LRRC7: variants seen among roughly 807,000 people sequenced by gnomAD.
LRRC7 encodes leucine-rich repeat-containing protein 7.
Under a neutral mutation model 175.7 loss-of-function variants are expected in LRRC7, and 23 were observed. That is an observed-to-expected ratio of 0.13 (90% CI 0.09 to 0.19). LRRC7 has a LOEUF of 0.19. Ranked by LOEUF, LRRC7 falls within the 10% of genes least tolerant of loss-of-function variation. The pLI is 1.00. For synonymous variants in LRRC7, 685 were observed against 680.9 expected (o/e 1.01, Z -0.09); for missense variants, 1,354 against 1,904.7 (o/e 0.71, Z 5.38).
At chr1:69,878,669 T>C (rs999710693) in intron 7 of LRRC7, among the ~76,000 whole-genome samples, 6 of 151,992 alleles carry the variant, frequency 3.9e-5, no homozygotes, top group African/African-American at 1.4e-4. Context: ...ATAAAGCGAA[T>C]TTTGGAGTTG....
chr1:69,711,092 T>C (rs547390318), intron 2 of LRRC7, among the ~76,000 whole-genome samples: 1 of 152,318 alleles, frequency 6.6e-6, no homozygotes, highest in Non-Finnish European at 1.5e-5. Flanking sequence ...TGAGCAGCTG[T>C]AAGATGTAAC....
At chr1:69,718,177 A>AAGAAAG (rs1366913143) in intron 2 of LRRC7, among the ~76,000 whole-genome samples, 5 of 146,844 alleles carry the variant, frequency 3.4e-5, no homozygotes, top group Non-Finnish European at 6.0e-5. Context: ...AGAAAGAAGA[A>AAGAAAG]AAGAAAAGAA....
chr1:70,101,769 GA>G (rs2102199382), intron 25 of LRRC7, among the ~76,000 whole-genome samples: 1 of 152,304 alleles, frequency 6.6e-6, no homozygotes, highest in South Asian at 2.1e-4. Flanking sequence ...AAATGAGGTG[GA>G]AATAGGAAAT....
intron 2 of LRRC7, among the ~76,000 whole-genome samples, chr1:69,718,132 A>AAGAG (rs1553146105): frequency 1.2e-3 from 68 of 54,768 alleles, no homozygotes; most frequent in African/African-American, 8.0e-3. Flanking sequence ...AAAGAAAAGA[A>AAGAG]AGAAAGAGAG....
At chr1:70,015,166 G>T (rs1204442977) in intron 13 of LRRC7, among the ~76,000 whole-genome samples, 1 of 151,890 alleles carries the variant, frequency 6.6e-6, no homozygotes, top group Non-Finnish European at 1.5e-5. Context: ...ATATAAAAAA[G>T]AATTGCGATA....
chr1:69,890,025 CA>C (rs1182013077), intron 7 of LRRC7, among the ~76,000 whole-genome samples: 1 of 152,200 alleles, frequency 6.6e-6, no homozygotes, highest in Non-Finnish European at 1.5e-5. Context: ...TTAAACCCCT[CA>C]AAGTCATCCA....
At chr1:69,909,597 C>T (rs889889312) in intron 7 of LRRC7, among the ~76,000 whole-genome samples, 1 of 152,134 alleles carries the variant, frequency 6.6e-6, no homozygotes, top group African/African-American at 2.4e-5. Flanking sequence ...TTAATATTGG[C>T]CCCCACTCTC....
intron 3 of LRRC7, among the ~76,000 whole-genome samples, chr1:69,787,389 C>A (rs1376934204): frequency 6.6e-6 from 1 of 152,216 alleles, no homozygotes; most frequent in Non-Finnish European, 1.5e-5. Flanking sequence ...CAAGGAGGGA[C>A]TCTGTGTGGG....
intron 4 of LRRC7, among the ~76,000 whole-genome samples, chr1:69,820,565 T>C (rs1679164713): frequency 6.6e-6 from 1 of 152,082 alleles, no homozygotes; most frequent in South Asian, 2.1e-4. Flanking sequence ...CCTGTGTCCA[T>C]GTGTTCTCAT....
At chr1:70,009,882 G>A (rs1358577964) in intron 11 of LRRC7, among the ~76,000 whole-genome samples, 1 of 152,062 alleles carries the variant, frequency 6.6e-6, no homozygotes. Context: ...CATGACCCAT[G>A]GACAGTGGTA....
intron 2 of LRRC7, among the ~76,000 whole-genome samples, chr1:69,749,842 T>C (rs1395745695): frequency 6.6e-6 from 1 of 151,864 alleles, no homozygotes; most frequent in African/African-American, 2.4e-5. Flanking sequence ...GGTGGGCGGA[T>C]CACGAGGTCA....
At chr1:70,108,525 A>G (rs919217104) in intron 26 of LRRC7, among the ~76,000 whole-genome samples, 1 of 152,120 alleles carries the variant, frequency 6.6e-6, no homozygotes. Context: ...CACTTCCTAT[A>G]TAAGAGGTGC....
intron 7 of LRRC7, among the ~76,000 whole-genome samples, chr1:69,922,867 T>C (rs1267080016): frequency 6.6e-6 from 1 of 152,104 alleles, no homozygotes; most frequent in Non-Finnish European, 1.5e-5. Flanking sequence ...ATGTGCAGGT[T>C]AGTTACGTAT....
intron 9 of LRRC7, among the ~76,000 whole-genome samples, chr1:69,984,142 T>C (rs1272086199): frequency 2.0e-5 from 3 of 152,074 alleles, no homozygotes; most frequent in Admixed American, 2.0e-4. Context: ...GTCAGGCTGG[T>C]CTCAAACTCC....
intron 2 of LRRC7, among the ~76,000 whole-genome samples, chr1:69,730,753 A>G (rs934947611): frequency 1.3e-5 from 2 of 152,058 alleles, no homozygotes; most frequent in African/African-American, 4.8e-5. Flanking sequence ...TAGCTTCCAC[A>G]TTTTCAGCTA....
At chr1:69,942,253 C>A (rs1192645452) in intron 8 of LRRC7, among the ~76,000 whole-genome samples, 2 of 152,060 alleles carry the variant, frequency 1.3e-5, no homozygotes, top group African/African-American at 4.8e-5. Flanking sequence ...TGAAGGGTAT[C>A]CCCATACAAC....
chr1:70,072,578 ACTGCTGCTGCTGCTGCTGCTGCTG>A lies in LRRC7; in HGVS notation c.4231-3481_4231-3458del, dbSNP rs6143270. The stretch of plus-strand genomic sequence containing the variant: ...GCCTATAGCCCAAGAGAGACAAAAA[ACTGCTGCTGCTGCTGCTGCTGCTG>A]CTGCTGCTGCTGCTGCTAACAGAAT... On this transcript the variant is annotated intron_variant, in intron 23 of 26. Transcript: ENST00000651989. Among the ~76,000 whole-genome samples the A allele has an allele frequency of 8.6e-5, 13 of 150,724 alleles. 1 individual carries two copies. Among genetic ancestry groups the A allele is most frequent in the South Asian group, 4.2e-4 (2 of 4,750 alleles).
At chr1:69,849,205 C>G (rs1468651076) in intron 7 of LRRC7, among the ~76,000 whole-genome samples, 2 of 151,906 alleles carry the variant, frequency 1.3e-5, no homozygotes, top group Non-Finnish European at 2.9e-5. Context: ...CAAGCATTAG[C>G]TGTTTACATT....
In LRRC7 at chr1:70,143,099, C is replaced by CAGTT. The variant is rs1372808950; in HGVS notation, c.*21216_*21219dup. 2 of 151,682 alleles carry CAGTT rather than the reference C, an allele frequency of 1.3e-5. No homozygotes were observed. Among genetic ancestry groups the CAGTT allele is most frequent in the African/African-American group, 2.4e-5 (1 of 41,282 alleles). 9.4% of individuals were successfully genotyped at this position (151,682 alleles called of 1,614,324 possible). A position where few individuals can be genotyped will look rare whatever the true frequency, so the allele number is the denominator to read the frequency against. ...TTTTCTCATTTCAGCTCATATAATT[C>CAGTT]AGTTAGTGAAATATTTCACTCTTCT... On this transcript the variant is annotated 3_prime_UTR_variant, in exon 27 of 27. Transcript: ENST00000651989.
Sources: allele counts gnomAD v4.1 joint callset (sites outside exome capture counted in the v4.1 genomes callset), GRCh38; gene constraint gnomAD v4.1.1; transcripts MANE v1.5; gene names NCBI Gene and HGNC (gene_info 2026-07-23, HGNC 2026-07-21).